EFCAB5: variants seen among roughly 807,000 people sequenced by gnomAD.
The protein encoded by EFCAB5 is EF-hand calcium-binding domain-containing protein 5.
A neutral mutation model predicts 167.9 loss-of-function variants in EFCAB5; 131 were observed. The ratio of observed to expected loss-of-function variants is 0.78; its 90% confidence interval spans 0.68 to 0.90. The LOEUF (loss-of-function observed/expected upper bound fraction) is 0.90. EFCAB5 is among the 40% of genes least tolerant of loss of function. The probability of loss-of-function intolerance (pLI) is 0.00; values close to 1 mark genes in which losing one functional copy is unlikely to be tolerated. For synonymous variants in EFCAB5, 574 were observed against 602.8 expected (o/e 0.95, Z 0.70); for missense variants, 1,663 against 1,745.2 (o/e 0.95, Z 0.84).
At chr17:29,981,929 T>A (rs1266370726) in intron 4 of EFCAB5, among the ~76,000 whole-genome samples, 1 of 152,202 alleles carries the variant, frequency 6.6e-6, no homozygotes, top group African/African-American at 2.4e-5. Flanking sequence ...TAATTATTCA[T>A]CTGCTTAAAT....
chr17:29,982,086 A>G (rs2068187869), intron 4 of EFCAB5, among the ~76,000 whole-genome samples: 1 of 152,244 alleles, frequency 6.6e-6, no homozygotes, highest in African/African-American at 2.4e-5. Context: ...ATGGATTTTT[A>G]ATAGGAATAC....
chr17:30,005,144 A>G (rs1426485924), intron 7 of EFCAB5, among the ~76,000 whole-genome samples: 16 of 152,150 alleles, frequency 1.1e-4, no homozygotes, highest in Admixed American at 1.0e-3. Context: ...GTTCTTGGTT[A>G]TACTGATTTA....
chr17:30,008,229 AAG>A (rs2068815733), intron 7 of EFCAB5, among the ~76,000 whole-genome samples: 1 of 152,176 alleles, frequency 6.6e-6, no homozygotes, highest in South Asian at 2.1e-4. Flanking sequence ...AATAAACAAA[AAG>A]CAGATTTCAA....
chr17:30,045,748 C>T (rs2069908682), intron 8 of EFCAB5, among the ~76,000 whole-genome samples: 1 of 151,876 alleles, frequency 6.6e-6, no homozygotes, highest in Admixed American at 6.6e-5. Context: ...GCCTGTAGTC[C>T]TATCTACTCA....
At chr17:29,984,437 A>C (rs2068239292) in intron 4 of EFCAB5, among the ~76,000 whole-genome samples, 1 of 151,896 alleles carries the variant, frequency 6.6e-6, no homozygotes, top group Non-Finnish European at 1.5e-5. Flanking sequence ...ATACTCATTA[A>C]GGCCAGGCGT....
intron 22 of EFCAB5, among the ~76,000 whole-genome samples, chr17:30,104,714 A>C (rs145625306): frequency 2.8e-4 from 42 of 152,282 alleles, no homozygotes; most frequent in African/African-American, 9.6e-4. Context: ...TAGGGAACCC[A>C]GCAGAGCGCT....
At chr17:29,930,113 GGGA>G in intron 1 of EFCAB5, 21 of 973,228 alleles carry the variant, frequency 2.2e-5, no homozygotes, top group South Asian at 9.2e-5. Context: ...GAAGGGAACG[GGGA>G]GGAGGAGGAG....
chr17:30,041,829 A>G (rs2069782219), intron 8 of EFCAB5, among the ~76,000 whole-genome samples: 1 of 152,128 alleles, frequency 6.6e-6, no homozygotes, highest in Non-Finnish European at 1.5e-5. Flanking sequence ...TTAAGGTACA[A>G]CCCTCCACCA....
At position 29,993,162 on chromosome 17, in the gene EFCAB5, C is replaced by A; in HGVS notation, c.768-3C>A. 1 of 1,605,498 alleles carries A rather than the reference C, an allele frequency of 6.2e-7. No individual in the cohort carries two copies. The highest frequency in any genetic ancestry group is 1.3e-5 in the African/African-American group (1 of 74,802). On this transcript the variant is annotated splice_region_variant and splice_polypyrimidine_tract_variant and intron_variant, in intron 4 of 22. Transcript: ENST00000394835. The stretch of plus-strand genomic sequence containing the variant: ...ACATGTTTTCTATATCTACATCCTG[C>A]AGAGTATCCAAGATGAAGGAGAATG...
At chr17:30,105,538 A>C (rs541062883) in intron 22 of EFCAB5, among the ~76,000 whole-genome samples, 2 of 152,258 alleles carry the variant, frequency 1.3e-5, no homozygotes, top group Admixed American at 6.5e-5. Context: ...AGAGAGATGA[A>C]TTATAACAAA....
intron 20 of EFCAB5, among the ~76,000 whole-genome samples, chr17:30,091,463 T>A (rs866633564): frequency 6.6e-6 from 1 of 152,240 alleles, no homozygotes; most frequent in Non-Finnish European, 1.5e-5. Context: ...GTTCACTATG[T>A]GTAACGCCTG....
In EFCAB5 at chr17:30,107,834, A is replaced by C; in HGVS notation, c.4322A>C (p.Asp1441Ala). 6.4e-7 allele frequency: 1 copy of C among 1,550,436 alleles called. No individual in the cohort carries two copies. The highest frequency in any genetic ancestry group is 8.7e-7 in the Non-Finnish European group (1 of 1,155,256). Residue 1441 changes from aspartate (D) to alanine (A), a missense_variant and splice_region_variant, in exon 23 of 23, where the codon GAT becomes GCT. Asp to Ala is a moderately radical substitution (Grantham distance 126, BLOSUM62 -2). Coordinates refer to ENST00000394835, the MANE Select transcript of EFCAB5 (RefSeq NM_198529.4). ...CTTTTCTTTTTTTTTCCTGATGCAG[A>C]TCATTCCCGAACTGAAGTATGGAAA... Reference protein sequence around the residue: ...NVQLIDEYIRDHSRTEVWKFG... With the variant: ...NVQLIDEYIRAHSRTEVWKFG...
chr17:30,033,374 G>A (rs2069532606), intron 7 of EFCAB5, among the ~76,000 whole-genome samples: 1 of 152,020 alleles, frequency 6.6e-6, no homozygotes, highest in Admixed American at 6.6e-5. Flanking sequence ...CACCGTGCCC[G>A]GCCGAGCTCA....
intron 3 of EFCAB5, among the ~76,000 whole-genome samples, chr17:29,951,693 C>CT (rs922311612): frequency 1.3e-5 from 2 of 151,556 alleles, no homozygotes; most frequent in African/African-American, 2.4e-5. Flanking sequence ...GCAGGAAAAC[C>CT]TTTTTTTTCA....
At chr17:30,046,561 G>A (rs1482419384) in intron 8 of EFCAB5, among the ~76,000 whole-genome samples, 7 of 152,154 alleles carry the variant, frequency 4.6e-5, no homozygotes. Context: ...CAAGATGTAA[G>A]TTGAATTCAC....
chr17:29,991,486 A>C (rs1413336086), intron 4 of EFCAB5, among the ~76,000 whole-genome samples: 1 of 152,240 alleles, frequency 6.6e-6, no homozygotes. Flanking sequence ...GGATGGGCTG[A>C]AACAAAGGGA....
Position 30,082,943 on chromosome 17 carries a change from A to C in EFCAB5, c.3479A>C (p.His1160Pro). ...TATCACTACGTCCACAGCCGGGAGC[A>C]CATTCTGCATATTGTGATCACTGGC... ...TAYHYVHSRE[H>P]ILHIVITGIG... The change falls in exon 18 of 23, where the codon CAC (histidine) becomes CCC (proline). Residue 1160 changes from histidine (H) to proline (P), a missense_variant. Transcript: ENST00000394835. 1 of 1,614,004 alleles carries C rather than the reference A, an allele frequency of 6.2e-7. No homozygotes were observed.
chr17:30,032,107 C>CTA (rs2069495328), intron 7 of EFCAB5, among the ~76,000 whole-genome samples: 2 of 152,076 alleles, frequency 1.3e-5, no homozygotes, highest in Admixed American at 1.3e-4. Context: ...AAACAAATTA[C>CTA]TAAAGTGGAA....
Position 30,057,800 on chromosome 17 carries a change from C to T in EFCAB5, c.2490C>T (p.Asp830=), listed in dbSNP as rs369592432. 70 of 1,613,772 alleles carry T rather than the reference C, an allele frequency of 4.3e-5. No individual in the cohort carries two copies. The highest frequency in any genetic ancestry group is 4.0e-4 in the African/African-American group (30 of 74,986). Residue 830 remains aspartate (D), a synonymous_variant, in exon 13 of 23, where the codon GAC becomes GAT. Coordinates refer to ENST00000394835, the MANE Select transcript of EFCAB5 (RefSeq NM_198529.4). ...VQLLETFVGE[D]APLSVSETLT... is the part of the protein sequence containing the mutation. ...TCCTGGAGACATTTGTTGGTGAAGA[C>T]GCTCCCTTGAGTGTCAGCGAGACTC...
Sources: allele counts gnomAD v4.1 joint callset (sites outside exome capture counted in the v4.1 genomes callset), GRCh38; gene constraint gnomAD v4.1.1; transcripts MANE v1.5; gene names NCBI Gene and HGNC (gene_info 2026-07-23, HGNC 2026-07-21).